The following DLG2 variants were observed in gnomAD, a reference collection of about 807,000 sequenced individuals.
DLG2 encodes discs large MAGUK scaffold protein 2, also known as disks large homolog 2.
DLG2 carries 45 observed loss-of-function variants against 132.5 expected under a neutral mutation model. The observed-to-expected ratio is 0.34, with a 90% CI of 0.27 to 0.44. The LOEUF (loss-of-function observed/expected upper bound fraction) is 0.44. Among genes scored for constraint, DLG2 ranks in the 20% least tolerant of loss-of-function variants. DLG2 has a pLI of 1.00. For synonymous variants in DLG2, 424 were observed against 419.6 expected, an observed-to-expected ratio of 1.01 and a Z score of -0.13; for missense variants, 1,045 against 1,196.9, an observed-to-expected ratio of 0.87 and a Z score of 1.87.
intron 21 of DLG2, among the ~76,000 whole-genome samples, chr11:83,516,957 T>A (rs2095316279): frequency 6.6e-6 from 1 of 152,170 alleles, no homozygotes; most frequent in Non-Finnish European, 1.5e-5. Context: ...GCCCTTAACA[T>A]TTTTTTCTTC....
chr11:83,501,916 T>G (rs1244919244), intron 21 of DLG2, among the ~76,000 whole-genome samples: 2 of 152,162 alleles, frequency 1.3e-5, no homozygotes, highest in African/African-American at 4.8e-5. Context: ...AATTGCTCTA[T>G]TGATGCTAGT....
chr11:85,357,722 AT>A, intron 3 of DLG2, among the ~76,000 whole-genome samples: 1 of 1,842 alleles, frequency 5.4e-4, no homozygotes, highest in African/African-American at 2.2e-3. Context: ...ATATATATAT[AT>A]ATATATATAT....
intron 6 of DLG2, among the ~76,000 whole-genome samples, chr11:84,847,817 C>T (rs2081670341): frequency 6.6e-6 from 1 of 152,102 alleles, no homozygotes; most frequent in Admixed American, 6.5e-5. Flanking sequence ...TAGAAGGGGG[C>T]CTATTTCAAA....
At chr11:85,590,652 T>G (rs1303124812) in intron 3 of DLG2, among the ~76,000 whole-genome samples, 50 of 140,938 alleles carry the variant, frequency 3.5e-4, no homozygotes, top group Non-Finnish European at 2.3e-4. Context: ...TCTCTCTCTC[T>G]ATATATATAT....
At chr11:84,192,309 C>T (rs1048298451) in intron 8 of DLG2, among the ~76,000 whole-genome samples, 9 of 152,138 alleles carry the variant, frequency 5.9e-5, no homozygotes, top group Non-Finnish European at 1.0e-4. Flanking sequence ...TAAGTAACAG[C>T]GACATCTAAA....
chr11:84,674,018 C>G (rs2099708777), intron 6 of DLG2, among the ~76,000 whole-genome samples: 1 of 152,108 alleles, frequency 6.6e-6, no homozygotes, highest in Admixed American at 6.6e-5. Flanking sequence ...ATAAGAGGTG[C>G]AGAATAATGG....
intron 6 of DLG2, among the ~76,000 whole-genome samples, chr11:84,640,727 G>T (rs368587484): frequency 1.3e-5 from 2 of 152,092 alleles, no homozygotes; most frequent in African/African-American, 2.4e-5. Flanking sequence ...CGATCATGAG[G>T]TCAGGAGTTC....
rs202006566 is a variant in DLG2 at position 83,459,699 on chromosome 11, T to C, written c.*119A>G. The C allele has an allele frequency of 1.4e-5, 9 of 626,292 alleles. No individual in the cohort carries two copies. In the East Asian group the frequency reaches 2.5e-4, roughly 17 times the overall value. The allele number at this position is 626,292 out of a possible 1,614,324, so 38.8% of individuals were successfully genotyped here. A position where few individuals can be genotyped will look rare whatever the true frequency, so the allele number is the denominator to read the frequency against. On this transcript the variant is annotated 3_prime_UTR_variant, in exon 28 of 28. Coordinates refer to ENST00000376104, the MANE Select transcript of DLG2 (RefSeq NM_001142699.3). The stretch of plus-strand genomic sequence containing the variant: ...AGTTTGTGTTGTACATTCGTAAGAA[T>C]TCACATTGACTGCAAAAACATAAAT...
At chr11:84,485,131 T>C (rs1302879642) in intron 7 of DLG2, among the ~76,000 whole-genome samples, 1 of 152,138 alleles carries the variant, frequency 6.6e-6, no homozygotes, top group East Asian at 1.9e-4. Flanking sequence ...CAGAGGTCTT[T>C]ACACAGTAAA....
intron 19 of DLG2, among the ~76,000 whole-genome samples, chr11:83,601,963 C>T (rs1033859308): frequency 1.3e-5 from 2 of 152,164 alleles, no homozygotes; most frequent in African/African-American, 4.8e-5. Flanking sequence ...AGACTGTGTC[C>T]TGGTGAATCA....
At chr11:85,184,644 C>A (rs911852726) in intron 4 of DLG2, among the ~76,000 whole-genome samples, 1 of 151,758 alleles carries the variant, frequency 6.6e-6, no homozygotes, top group Admixed American at 6.6e-5. Flanking sequence ...AATCATTAGC[C>A]ATCTTCCATG....
At chr11:84,524,053 G>T (rs2099312726) in intron 7 of DLG2, among the ~76,000 whole-genome samples, 1 of 152,088 alleles carries the variant, frequency 6.6e-6, no homozygotes, top group South Asian at 2.1e-4. Context: ...GGAAGAAGAA[G>T]AATTGTCTTG....
intron 11 of DLG2, among the ~76,000 whole-genome samples, chr11:84,045,006 A>C (rs2096208862): frequency 6.6e-6 from 1 of 151,648 alleles, no homozygotes; most frequent in Admixed American, 6.6e-5. Context: ...AAAATTTTCT[A>C]ATGGTTTTGG....
At chr11:83,847,819 A>C (rs1378643516) in intron 16 of DLG2, among the ~76,000 whole-genome samples, 2 of 152,220 alleles carry the variant, frequency 1.3e-5, no homozygotes, top group Non-Finnish European at 2.9e-5. Flanking sequence ...TGGAGAGAAC[A>C]GAAATGGCTC....
intron 9 of DLG2, among the ~76,000 whole-genome samples, chr11:84,130,951 A>G (rs1457593254): frequency 6.6e-6 from 1 of 152,026 alleles, no homozygotes; most frequent in Non-Finnish European, 1.5e-5. Context: ...ATTACAAAAC[A>G]TAGGGTTAAG....
chr11:84,143,863 A>C (rs2094958919), intron 9 of DLG2, among the ~76,000 whole-genome samples: 1 of 152,138 alleles, frequency 6.6e-6, no homozygotes, highest in East Asian at 1.9e-4. Flanking sequence ...TTTTGTTTTC[A>C]AAACCTAATA....
At chr11:83,577,716 T>C (rs1171339725) in intron 19 of DLG2, among the ~76,000 whole-genome samples, 1 of 127,286 alleles carries the variant, frequency 7.9e-6, no homozygotes, top group African/African-American at 3.0e-5. Context: ...AAATATATAA[T>C]TATTAAATTA....
At chr11:83,718,178 T>C (rs1209536917) in intron 18 of DLG2, among the ~76,000 whole-genome samples, 1 of 152,166 alleles carries the variant, frequency 6.6e-6, no homozygotes, top group Non-Finnish European at 1.5e-5. Flanking sequence ...CTCTCTGCTG[T>C]GGGCAATTGG....
At chr11:83,487,597 A>AGTT (rs568531594) in intron 21 of DLG2, among the ~76,000 whole-genome samples, 24 of 152,162 alleles carry the variant, frequency 1.6e-4, no homozygotes, top group Non-Finnish European at 3.1e-4. Context: ...GCCTGCTTCA[A>AGTT]GTTTATATTT....
Sources: gnomAD v4.1 joint callset for allele counts (sites outside exome capture counted in the v4.1 genomes callset) on GRCh38, gnomAD v4.1.1 for gene constraint, MANE v1.5 for transcripts, NCBI Gene and HGNC (gene_info 2026-07-23, HGNC 2026-07-21) for gene names.